Variants in USP25 observed in about 807,000 individuals in gnomAD.
USP25 encodes the protein ubiquitin specific peptidase 25.
In USP25, 85 loss-of-function variants were observed where a neutral mutation model predicts 158.5. The ratio of observed to expected loss-of-function variants is 0.54; its 90% CI spans 0.45 to 0.64. The LOEUF is 0.64. Among genes scored for constraint, USP25 ranks in the 30% least tolerant of loss-of-function variants. The pLI, the probability that USP25 is intolerant of heterozygous loss-of-function variation, is 0.00. For synonymous variants in USP25, 464 were observed against 460.4 expected, an observed-to-expected ratio of 1.01 and a Z score of -0.10; for missense variants, 1,242 against 1,327.3, an observed-to-expected ratio of 0.94 and a Z score of 1.00.
intron 20 of USP25, among the ~76,000 whole-genome samples, chr21:15,856,670 A>G (rs1329152796): frequency 6.6e-6 from 1 of 151,960 alleles, no homozygotes; most frequent in Admixed American, 6.6e-5. Context: ...ACAGGGTTTC[A>G]CCGTGTTAGC....
In USP25 at chr21:15,851,422, T is replaced by C. The variant is rs574727630; in HGVS notation, c.2547+1550T>C. ...TTTACACATTACCTGTTGAATTTGC[T>C]TCTGTGGAATATGAATGATGAGCTC... On this transcript the variant is annotated intron_variant, in intron 20 of 25. Coordinates refer to ENST00000400183, the MANE Select transcript of USP25 (RefSeq NM_001283041.3). Among the ~76,000 whole-genome samples the C allele has an allele frequency of 5.9e-5, 9 of 152,116 alleles. No homozygotes were observed. The South Asian group carries it at 1.9e-3, about 32-fold the overall frequency.
chr21:15,871,262 G>A (rs1319322530), intron 23 of USP25, among the ~76,000 whole-genome samples: 2 of 152,178 alleles, frequency 1.3e-5, no homozygotes, highest in African/African-American at 4.8e-5. Context: ...AGTCATTGAT[G>A]TAGAAAACTT....
chr21:15,818,396 T>C (rs1203416333), intron 9 of USP25, among the ~76,000 whole-genome samples: 2 of 152,330 alleles, frequency 1.3e-5, no homozygotes, highest in East Asian at 3.9e-4. Flanking sequence ...TGTTCACTGC[T>C]GTATATATTC....
intron 3 of USP25, among the ~76,000 whole-genome samples, chr21:15,775,739 A>ACCCCCCCCCCCCCCCCCCCCCCCCCCCCC (rs57912569): frequency 1.4e-4 from 2 of 14,052 alleles, no homozygotes; most frequent in African/African-American, 3.1e-4. Flanking sequence ...AATGGTTGCC[A>ACCCCCCCCCCCCCCCCCCCCCCCCCCCCC]CCCCCCCCCC....
chr21:15,820,851 T>C (rs890984123), intron 10 of USP25, among the ~76,000 whole-genome samples: 1 of 151,906 alleles, frequency 6.6e-6, no homozygotes, highest in African/African-American at 2.4e-5. Flanking sequence ...GGCCAACTAA[T>C]ATATAGGAAG....
At chr21:15,847,868 C>A in intron 19 of USP25, 92 bp downstream of exon 19, 1 of 705,810 alleles carries the variant, frequency 1.4e-6, no homozygotes, top group Non-Finnish European at 2.4e-6. Flanking sequence ...TACTTAATGT[C>A]TATTGCCACA....
At chr21:15,772,394 T>C (rs1429791203) in intron 3 of USP25, among the ~76,000 whole-genome samples, 1 of 152,188 alleles carries the variant, frequency 6.6e-6, no homozygotes, top group Non-Finnish European at 1.5e-5. Context: ...TAACATGATT[T>C]TATACAGTGG....
chr21:15,770,808 T>G (rs1057040680), intron 3 of USP25, among the ~76,000 whole-genome samples: 3 of 152,178 alleles, frequency 2.0e-5, no homozygotes, highest in Non-Finnish European at 2.9e-5. Flanking sequence ...AACACTCTTT[T>G]AAGAGAATCT....
intron 6 of USP25, among the ~76,000 whole-genome samples, chr21:15,804,525 G>A (rs1486400423): frequency 6.6e-6 from 1 of 151,844 alleles, no homozygotes; most frequent in South Asian, 2.1e-4. Context: ...TAATAATCGG[G>A]TGAGGTTCTA....
chr21:15,814,165 A>T (rs1373499822), intron 9 of USP25, among the ~76,000 whole-genome samples: 2 of 149,596 alleles, frequency 1.3e-5, no homozygotes, highest in African/African-American at 4.9e-5. Flanking sequence ...TGGGGTTTCC[A>T]CTTTTACTTC....
intron 2 of USP25, among the ~76,000 whole-genome samples, chr21:15,764,937 T>A: frequency 6.6e-6 from 1 of 152,122 alleles, no homozygotes; most frequent in Non-Finnish European, 1.5e-5. Context: ...AATTTTGGAA[T>A]CATCCTGATC....
At chr21:15,845,027 A>G (rs989077581) in intron 18 of USP25, among the ~76,000 whole-genome samples, 2 of 152,152 alleles carry the variant, frequency 1.3e-5, no homozygotes, top group African/African-American at 4.8e-5. Context: ...AACTTTTTTC[A>G]TATTTCAGGT....
chr21:15,812,403 C>T (rs1475878182), intron 9 of USP25, among the ~76,000 whole-genome samples: 1 of 152,102 alleles, frequency 6.6e-6, no homozygotes, highest in African/African-American at 2.4e-5. Flanking sequence ...AATCCCAGCA[C>T]TTCGGGAGCC....
rs572567000 is a variant in USP25 at position 15,823,075 on chromosome 21, G to T, written c.1081-964G>T. On this transcript the variant is annotated intron_variant, in intron 10 of 25. Coordinates refer to ENST00000400183, the MANE Select transcript of USP25 (RefSeq NM_001283041.3). ...TTTTTGGATGTTCAAATTTAAATTT[G>T]GTATATTCTTAACTTATTGACAGAT... Among the ~76,000 whole-genome samples, 13 of 151,968 alleles carry T rather than the reference G, an allele frequency of 8.6e-5. No individual in the cohort carries two copies. In the East Asian group the frequency reaches 2.5e-3, roughly 29 times the overall value.
chr21:15,734,023 T>A (rs1279524683), intron 1 of USP25, among the ~76,000 whole-genome samples: 1 of 152,218 alleles, frequency 6.6e-6, no homozygotes, highest in Non-Finnish European at 1.5e-5. Flanking sequence ...TATTAGTATG[T>A]TAACAGTAGT....
rs750113422 is a variant in USP25 at position 15,808,886 on chromosome 21, G to A, written c.857+1G>A. The A allele has an allele frequency of 5.6e-6, 9 of 1,605,720 alleles. No individual in the cohort carries two copies. The highest frequency in any genetic ancestry group is 8.5e-7 in the Non-Finnish European group (1 of 1,176,488). On this transcript the variant is annotated splice_donor_variant, in intron 8 of 25. Transcript: ENST00000400183. LOFTEE classifies it high-confidence loss of function. ...TCCAAATGAAAGCTGAAGAGGAGAC[G>A]TAAGTTACCGTGAAGTTTAGCAATG... is the stretch of plus-strand genomic sequence containing the variant.
intron 1 of USP25, among the ~76,000 whole-genome samples, chr21:15,738,634 C>T (rs2031745859): frequency 6.6e-6 from 1 of 152,028 alleles, no homozygotes; most frequent in Admixed American, 6.6e-5. Flanking sequence ...ATACCTTTTC[C>T]AGAGACAATT....
Position 15,847,718 on chromosome 21 carries a change from C to A in USP25, c.2393C>A (p.Ala798Glu), listed in dbSNP as rs575834375. Residue 798 changes from alanine (A) to glutamate (E), a missense_variant, in exon 19 of 26, where the codon GCG (alanine) becomes GAG (glutamate). By Grantham distance (107) the Ala-to-Glu change is moderately radical (BLOSUM62 -1). Around this residue, in one of 3 missense-constraint regions of USP25, gnomAD observed 608 missense variants for 605.2 expected, o/e 1.00. Coordinates refer to ENST00000400183, the MANE Select transcript of USP25 (RefSeq NM_001283041.3). ...PLSNQRVVEV[A>E]IPHVGKFMIE... ...TCTAATCAGCGAGTTGTAGAGGTGG[C>A]GATCCCTCATGTAGGGAAATTTATG... is the stretch of plus-strand genomic sequence containing the variant. 1 of 1,549,984 alleles carries A rather than the reference C, an allele frequency of 6.5e-7. No homozygotes were observed. The highest frequency in any genetic ancestry group is 1.2e-5 in the South Asian group (1 of 84,028).
chr21:15,854,716 C>T (rs2039053738), intron 20 of USP25, among the ~76,000 whole-genome samples: 1 of 152,096 alleles, frequency 6.6e-6, no homozygotes, highest in African/African-American at 2.4e-5. Context: ...AAAGTTTAAC[C>T]TCCGAATTAG....
Sources: gnomAD v4.1 joint callset for allele counts (sites outside exome capture counted in the v4.1 genomes callset) on GRCh38, gnomAD v4.1.1 for gene constraint, gnomAD v4.1.1 regional missense constraint, MANE v1.5 for transcripts, NCBI Gene and HGNC (gene_info 2026-07-23, HGNC 2026-07-21) for gene names.